SLC36A3: variants seen among roughly 807,000 people sequenced by gnomAD.
SLC36A3 encodes solute carrier family 36 member 3.
Under a neutral mutation model 44.3 loss-of-function variants are expected in SLC36A3, and 35 were observed. The ratio of observed to expected loss-of-function variants is 0.79; its 90% CI spans 0.60 to 1.05. SLC36A3 has a LOEUF of 1.05. SLC36A3 is among the 50% of genes least tolerant of loss of function. The pLI, the probability that SLC36A3 is intolerant of heterozygous loss-of-function variation, is 0.00. For missense variants in SLC36A3, 540 were observed against 578.7 expected, an observed-to-expected ratio of 0.93 and a Z score of 0.69; for synonymous variants, 211 against 227.6, an observed-to-expected ratio of 0.93 and a Z score of 0.66.
intron 9 of SLC36A3, among the ~76,000 whole-genome samples, chr5:151,278,328 T>C (rs1754179480): frequency 6.6e-6 from 1 of 152,190 alleles, no homozygotes; most frequent in African/African-American, 2.4e-5. Flanking sequence ...TTCACACTCC[T>C]AAAATTCCAT....
Position 151,293,401 on chromosome 5 carries a change from G to A in SLC36A3, c.367C>T (p.Pro123Ser), listed in dbSNP as rs369042266. 2.1e-4 allele frequency: 339 copies of A among 1,613,676 alleles called. 1 individual carries two copies. The highest frequency in any genetic ancestry group is 2.7e-4 in the Non-Finnish European group (315 of 1,179,820). Residue 123 changes from proline (P) to serine (S), a missense_variant, in exon 4 of 10, where the codon CCG becomes TCG. Physicochemically the swap from Pro to Ser is moderately conservative, Grantham distance 74. Coordinates refer to ENST00000335230, the MANE Select transcript of SLC36A3 (RefSeq NM_181774.4). ...GCATGGGCCCTCAGCCAGGTGTTCG[G>A]GCAGGTTTCAAGGCCGTACATCGTG... ...EATMYGLETCPNTWLRAHAVW... is the reference protein window; with the variant it reads ...EATMYGLETCSNTWLRAHAVW...
intron 4 of SLC36A3, among the ~76,000 whole-genome samples, chr5:151,290,703 G>A (rs1441818261): frequency 6.6e-6 from 1 of 152,064 alleles, no homozygotes; most frequent in Non-Finnish European, 1.5e-5. Flanking sequence ...AGACCATCCT[G>A]GCTAACACGG....
intron 6 of SLC36A3, among the ~76,000 whole-genome samples, chr5:151,285,979 C>T (rs1445535462): frequency 6.7e-6 from 1 of 149,750 alleles, no homozygotes; most frequent in South Asian, 2.1e-4. Flanking sequence ...TGTGTTTTTT[C>T]AAGCCACTAG....
At chr5:151,300,353 A>T (rs1237184488) in intron 1 of SLC36A3, among the ~76,000 whole-genome samples, 2 of 152,216 alleles carry the variant, frequency 1.3e-5, no homozygotes, top group African/African-American at 4.8e-5. Context: ...GACTTCTGTG[A>T]CTTCAGTCTA....
intron 8 of SLC36A3, among the ~76,000 whole-genome samples, chr5:151,282,676 A>G (rs1298854679): frequency 6.6e-6 from 1 of 152,232 alleles, no homozygotes; most frequent in Non-Finnish European, 1.5e-5. Flanking sequence ...TAATGCACAT[A>G]TAATATAAAA....
Position 151,303,488 on chromosome 5 carries a change from G to T in SLC36A3, c.-134C>A, listed in dbSNP as rs1043165851. 1.0e-6 allele frequency: 1 copy of T among 966,394 alleles called. No homozygotes were observed. Among genetic ancestry groups the T allele is most frequent in the South Asian group, 1.9e-5 (1 of 52,550 alleles). The allele number at this position is 966,394 out of a possible 1,614,324, so 59.9% of individuals were successfully genotyped here. On this transcript the variant is annotated 5_prime_UTR_variant, in exon 1 of 10. Transcript: ENST00000335230. ...CTAACCCCAAGGATGCGTGCTGCTG[G>T]CTGAAGCCTGAAGTGCATGAATCAG...
intron 7 of SLC36A3, 76 bp downstream of exon 7, chr5:151,284,537 A>C: frequency 3.5e-6 from 4 of 1,130,134 alleles, no homozygotes; most frequent in Non-Finnish European, 5.1e-6. Flanking sequence ...AATACTATTT[A>C]TTCAGACATC....
chr5:151,293,475 A>G lies in SLC36A3; in HGVS notation c.309-16T>C. 6.3e-7 allele frequency: 1 copy of G among 1,595,682 alleles called. No individual in the cohort carries two copies. On this transcript the variant is annotated splice_polypyrimidine_tract_variant and intron_variant, in intron 3 of 9. Coordinates refer to ENST00000335230, the MANE Select transcript of SLC36A3 (RefSeq NM_181774.4). ...CTTCTGCAGTCTAGGGGGAAAGAAC[A>G]AACAATGCATAATTTAAAACATTTT...
intron 1 of SLC36A3, 51 bp from the exon 2 acceptor site, chr5:151,298,734 C>A: frequency 6.3e-7 from 1 of 1,589,436 alleles, no homozygotes; most frequent in Non-Finnish European, 8.6e-7. Flanking sequence ...GGAAGGGAAG[C>A]ATGGCCAGAA....
chr5:151,277,430 C>T lies in SLC36A3; in HGVS notation c.1376G>A (p.Ser459Asn). The T allele has an allele frequency of 6.2e-7, 1 of 1,614,146 alleles. No homozygotes were observed. The highest frequency in any genetic ancestry group is 1.7e-4 in the Middle Eastern group (1 of 6,060). The change falls in exon 10 of 10, where the codon AGC (serine) becomes AAC (asparagine). Residue 459 changes from serine (S) to asparagine (N), a missense_variant. By Grantham distance (46) the Ser-to-Asn change is conservative. Coordinates refer to ENST00000335230, the MANE Select transcript of SLC36A3 (RefSeq NM_181774.4). ...QALYELPQPI[S>N]HSMANSTGVH... is the part of the protein sequence containing the mutation. ...ACCTGTGGAGTTGGCCATGGAATGG[C>T]TGATGGGTTGGGGCAACTCATAGAG... is the stretch of plus-strand genomic sequence containing the variant.
In SLC36A3 at chr5:151,288,416, A is replaced by G; in HGVS notation, c.459T>C (p.Tyr153=). The change falls in exon 5 of 10, where the codon TAT becomes TAC. Residue 153 remains tyrosine, a synonymous_variant. Transcript: ENST00000335230. ...GTAAATTGTCTGCCATAAACATAAA[A>G]TAAACACTGCAGAAGCCCAGCTGGG... ...VITQLGFCSV[Y]FMFMADNLQQ... is the part of the protein sequence containing the mutation. 6.2e-7 allele frequency: 1 copy of G among 1,603,122 alleles called. No homozygotes were observed. The highest frequency in any genetic ancestry group is 1.7e-4 in the Middle Eastern group (1 of 6,036).
chr5:151,288,389 T>C lies in SLC36A3; in HGVS notation c.486A>G (p.Gln162=). ...TGCCCAGAAGAGGGCTCTTTACCTGTTGTAAATTGTCTGCCATAAACATAA... is the reference window on the plus strand; with the variant it reads ...TGCCCAGAAGAGGGCTCTTTACCTGCTGTAAATTGTCTGCCATAAACATAA... ...VYFMFMADNL[Q]QMVEKAHVTS... Residue 162 remains glutamine, a synonymous_variant, in exon 5 of 10, where the codon CAA becomes CAG. Coordinates refer to ENST00000335230, the MANE Select transcript of SLC36A3 (RefSeq NM_181774.4). 2 of 1,599,992 alleles carry C rather than the reference T, an allele frequency of 1.3e-6. No individual in the cohort carries two copies. The highest frequency in any genetic ancestry group is 1.3e-5 in the African/African-American group (1 of 74,438).
chr5:151,278,195 G>A (rs1754173373), intron 9 of SLC36A3, among the ~76,000 whole-genome samples: 1 of 151,918 alleles, frequency 6.6e-6, no homozygotes, highest in South Asian at 2.1e-4. Flanking sequence ...AATGGGAGAT[G>A]CTTCTGCTGC....
intron 1 of SLC36A3, among the ~76,000 whole-genome samples, chr5:151,299,264 CTATATATATA>C (rs66776978): frequency 1.1e-3 from 65 of 59,644 alleles, no homozygotes; most frequent in African/African-American, 3.8e-3. Context: ...CTCTCTCTCT[CTATATATATA>C]TATATATATA....
chr5:151,286,134 G>A (rs1442654294), intron 6 of SLC36A3, among the ~76,000 whole-genome samples: 1 of 152,192 alleles, frequency 6.6e-6, no homozygotes, highest in Non-Finnish European at 1.5e-5. Context: ...ATTCATGAAA[G>A]AATTACTTTA....
Position 151,284,047 on chromosome 5 carries a change from C to A in SLC36A3, c.971G>T (p.Cys324Phe). ...ACCTGAGGTGGGCAGGACATACCAG[C>A]AATTGGGCAAGTTGAGGGTGATGCT... ...QASITLNLPN[C>F]WLYQSVKLMY... Residue 324 changes from cysteine (C) to phenylalanine (F), a missense_variant, in exon 8 of 10, where the codon TGC becomes TTC. Physicochemically the swap from Cys to Phe is radical, Grantham distance 205 (BLOSUM62 -2). Transcript: ENST00000335230. 2 of 1,609,746 alleles carry A rather than the reference C, an allele frequency of 1.2e-6. No homozygotes were observed. Among genetic ancestry groups the A allele is most frequent in the Non-Finnish European group, 1.7e-6 (2 of 1,178,352 alleles).
At chr5:151,296,343 G>A (rs1276690782) in intron 2 of SLC36A3, 75 bp from the exon 3 acceptor site, 7 of 1,274,450 alleles carry the variant, frequency 5.5e-6, no homozygotes, top group East Asian at 2.4e-5. Context: ...CACAGTCTGC[G>A]TGCTGGGGCC....
intron 9 of SLC36A3, among the ~76,000 whole-genome samples, chr5:151,279,579 C>T (rs553826316): frequency 2.6e-5 from 4 of 152,290 alleles, no homozygotes; most frequent in African/African-American, 9.6e-5. Context: ...GTCATGCATT[C>T]CCTGATACTC....
At chr5:151,292,719 C>T (rs1754804124) in intron 4 of SLC36A3, among the ~76,000 whole-genome samples, 1 of 152,230 alleles carries the variant, frequency 6.6e-6, no homozygotes, top group African/African-American at 2.4e-5. Context: ...CGAGGTGGTT[C>T]ACACCTATAA....
Sources: gnomAD v4.1 joint callset for allele counts (sites outside exome capture counted in the v4.1 genomes callset) on GRCh38, gnomAD v4.1.1 for gene constraint, MANE v1.5 for transcripts, NCBI Gene and HGNC (gene_info 2026-07-23, HGNC 2026-07-21) for gene names.